LPIN1: variants seen among roughly 807,000 people sequenced by gnomAD.
LPIN1 encodes lipin 1, also known as phosphatidate phosphatase LPIN1.
LPIN1 carries 71 observed loss-of-function variants against 107.5 expected under a neutral mutation model. The observed-to-expected ratio is 0.66, with a 90% CI of 0.55 to 0.80. LPIN1 has a LOEUF of 0.80. Ranked by LOEUF, LPIN1 falls within the 30% of genes least tolerant of loss-of-function variation. The pLI is 0.00. For missense variants in LPIN1, 1,043 were observed against 1,160.6 expected (o/e 0.90, Z 1.47); for synonymous variants, 445 against 452.6 (o/e 0.98, Z 0.21).
intron 1 of LPIN1, among the ~76,000 whole-genome samples, chr2:11,711,912 A>T (rs73915500): frequency 0.025 from 3,783 of 152,294 alleles, 164 homozygotes; most frequent in African/African-American, 0.086. Flanking sequence ...TGAGAGCCTC[A>T]GGTTTTCTGT....
intron 1 of LPIN1, among the ~76,000 whole-genome samples, chr2:11,698,501 G>A (rs1428771504): frequency 6.6e-6 from 1 of 152,180 alleles, no homozygotes; most frequent in African/African-American, 2.4e-5. Flanking sequence ...TGTTCCTGGT[G>A]CTATTTCTGC....
At chr2:11,678,787 G>T (rs893843893) in intron 1 of LPIN1, among the ~76,000 whole-genome samples, 2 of 152,212 alleles carry the variant, frequency 1.3e-5, no homozygotes, top group Non-Finnish European at 2.9e-5. Flanking sequence ...TTTGCAGCTT[G>T]GCCCTTTGGG....
intron 1 of LPIN1, among the ~76,000 whole-genome samples, chr2:11,729,641 A>G (rs11676410): frequency 0.12 from 18,926 of 152,232 alleles, 1,297 homozygotes; most frequent in Non-Finnish European, 0.16. Flanking sequence ...AGTAGGTGCA[A>G]CAGAGACCAT....
chr2:11,792,890 C>T (rs556827624), intron 13 of LPIN1, among the ~76,000 whole-genome samples: 25 of 152,158 alleles, frequency 1.6e-4, no homozygotes, highest in Non-Finnish European at 2.8e-4. Context: ...ACCTGGGTCT[C>T]CTCCTCCCAG....
chr2:11,768,825 A>G (rs1671375579), intron 3 of LPIN1, among the ~76,000 whole-genome samples: 1 of 151,970 alleles, frequency 6.6e-6, no homozygotes, highest in African/African-American at 2.4e-5. Context: ...AGTCCCAGCT[A>G]CTCCGGAGAC....
At chr2:11,753,742 TAA>T (rs1668237099) in intron 1 of LPIN1, among the ~76,000 whole-genome samples, 1 of 152,230 alleles carries the variant, frequency 6.6e-6, no homozygotes, top group Non-Finnish European at 1.5e-5. Flanking sequence ...CTCTTTGCCG[TAA>T]GTGTAAATTA....
chr2:11,818,067 G>A (rs17604177), intron 18 of LPIN1: 9,613 of 152,236 alleles, frequency 0.063, 450 homozygotes, highest in Middle Eastern at 0.11. Context: ...ACTGGCAAAG[G>A]CCTGGACGAA....
chr2:11,771,388 A>C lies in LPIN1; in HGVS notation c.305A>C (p.His102Pro). Residue 102 changes from histidine (H) to proline (P), a missense_variant, in exon 4 of 21, where the codon CAC becomes CCC. Coordinates refer to ENST00000674199, the MANE Select transcript of LPIN1 (RefSeq NM_001349206.2). The surrounding 1 kb of genome is among the most constrained non-coding windows in gnomAD (Gnocchi z 4.8). ...TTTTCTTAGGAAGTTATCCCTATGC[A>C]CCTGGCCACCTCCCCCATCCTGTCA... ...TDNDQEVIPMHLATSPILSEG... is the reference protein window; with the variant it reads ...TDNDQEVIPMPLATSPILSEG... The C allele has an allele frequency of 2.5e-6, 4 of 1,614,150 alleles. No individual in the cohort carries two copies. The highest frequency in any genetic ancestry group is 3.4e-6 in the Non-Finnish European group (4 of 1,180,026).
intron 1 of LPIN1, among the ~76,000 whole-genome samples, chr2:11,748,664 C>A (rs766554678): frequency 6.6e-6 from 1 of 152,152 alleles, no homozygotes; most frequent in Non-Finnish European, 1.5e-5. Context: ...CTGTGGGACA[C>A]CCCCTCCCCC....
intron 1 of LPIN1, among the ~76,000 whole-genome samples, chr2:11,713,440 T>A (rs1199551399): frequency 6.6e-6 from 1 of 152,182 alleles, no homozygotes; most frequent in Non-Finnish European, 1.5e-5. Context: ...CAAGCTAATT[T>A]TTGTATTTTT....
intron 1 of LPIN1, among the ~76,000 whole-genome samples, chr2:11,757,600 C>T (rs143238360): frequency 1.4e-3 from 219 of 152,236 alleles, no homozygotes; most frequent in Non-Finnish European, 1.6e-3. Context: ...CTCTAACCTG[C>T]CTGCACCCCT....
intron 1 of LPIN1, among the ~76,000 whole-genome samples, chr2:11,749,735 G>C (rs964843233): frequency 6.6e-6 from 1 of 152,232 alleles, no homozygotes; most frequent in African/African-American, 2.4e-5. Flanking sequence ...CCCACTCCCA[G>C]CTGAGAGGTT....
chr2:11,679,582 T>G (rs539413859), intron 1 of LPIN1, among the ~76,000 whole-genome samples: 2 of 152,290 alleles, frequency 1.3e-5, no homozygotes, highest in Non-Finnish European at 2.9e-5. Context: ...CCCCTTGTAT[T>G]CCATCGCTCT....
At chr2:11,754,074 G>A (rs1342098988) in intron 1 of LPIN1, among the ~76,000 whole-genome samples, 3 of 152,202 alleles carry the variant, frequency 2.0e-5, no homozygotes, top group Non-Finnish European at 2.9e-5. Flanking sequence ...GTCAAGCCCA[G>A]CTGGGGAGCC....
intron 3 of LPIN1, among the ~76,000 whole-genome samples, chr2:11,768,807 G>A (rs1175371531): frequency 6.6e-6 from 1 of 152,212 alleles, no homozygotes; most frequent in Admixed American, 6.5e-5. Flanking sequence ...GTGGTGGCGG[G>A]TGCCTGTAGT....
At chr2:11,731,824 T>G (rs1265059416) in intron 1 of LPIN1, among the ~76,000 whole-genome samples, 2 of 108,674 alleles carry the variant, frequency 1.8e-5, no homozygotes, top group Non-Finnish European at 3.7e-5. Context: ...TGACCAGTGA[T>G]GATGAGTTTT....
chr2:11,787,397 TC>T lies in LPIN1; in HGVS notation c.1643+231del, dbSNP rs60603136. 0.22 allele frequency among the ~76,000 whole-genome samples: 21,490 copies of T among 96,362 alleles called. 3,297 individuals are homozygous for T. The highest frequency in any genetic ancestry group is 0.36 in the African/African-American group (6,340 of 17,814). The allele number at this position is 96,362 out of a possible 152,430, so 63.2% of individuals were successfully genotyped here. ...TGTGAGTTTTCTTTTCTTTTCTTTT[TC>T]TTTTTTTTTTTTTTTTTTTTGCGAC... On this transcript the variant is annotated intron_variant, in intron 11 of 20. Transcript: ENST00000674199.
At chr2:11,719,065 G>A (rs1663945378) in intron 2 of LPIN1, among the ~76,000 whole-genome samples, 1 of 151,548 alleles carries the variant, frequency 6.6e-6, no homozygotes, top group Admixed American at 6.6e-5. Flanking sequence ...TTCTTTTTTT[G>A]TTCTCTAATT....
intron 1 of LPIN1, among the ~76,000 whole-genome samples, chr2:11,728,257 T>A (rs998414272): frequency 4.2e-4 from 64 of 152,340 alleles, no homozygotes; most frequent in African/African-American, 1.5e-3. Context: ...TTAAGGTAGG[T>A]TTCCTGTAGA....
Sources: allele counts gnomAD v4.1 joint callset (sites outside exome capture counted in the v4.1 genomes callset), GRCh38; gene constraint gnomAD v4.1.1; non-coding constraint Gnocchi (gnomAD v3.1); transcripts MANE v1.5; gene names NCBI Gene and HGNC (gene_info 2026-07-23, HGNC 2026-07-21).